The following TFCP2 variants were observed in gnomAD, a reference collection of about 807,000 sequenced individuals.
TFCP2 encodes the protein transcription factor CP2, also known as alpha-globin transcription factor CP2.
A neutral mutation model predicts 73.4 loss-of-function variants in TFCP2; 33 were observed. That is an observed-to-expected ratio of 0.45 (90% confidence interval 0.34 to 0.60). The LOEUF (loss-of-function observed/expected upper bound fraction) is 0.60, where lower values mean the gene tolerates loss of function less well. Among genes scored for constraint, TFCP2 ranks in the 20% least tolerant of loss-of-function variants. The pLI is 0.01. For synonymous variants in TFCP2, 193 were observed against 211.6 expected, an observed-to-expected ratio of 0.91 and a Z score of 0.76; for missense variants, 352 against 604.0, an observed-to-expected ratio of 0.58 and a Z score of 4.37.
chr12:51,172,180 T>C, intron 1 of TFCP2, 121 bp downstream of exon 1: 1 of 1,380,128 alleles, frequency 7.2e-7, no homozygotes, highest in Middle Eastern at 1.9e-4. Flanking sequence ...CAAGTCCCTT[T>C]TCCCCAATCG....
intron 1 of TFCP2, among the ~76,000 whole-genome samples, chr12:51,170,940 A>G (rs1035788950): frequency 6.6e-5 from 10 of 152,104 alleles, no homozygotes; most frequent in African/African-American, 2.4e-4. Context: ...AGCCTACCAA[A>G]GTGCTGGGAT....
At chr12:51,107,817 G>T (rs1940289644) in intron 6 of TFCP2, among the ~76,000 whole-genome samples, 1 of 151,822 alleles carries the variant, frequency 6.6e-6, no homozygotes, top group South Asian at 2.1e-4. Flanking sequence ...TTTTGGTCAG[G>T]CTGGTCTTAA....
intron 1 of TFCP2, among the ~76,000 whole-genome samples, chr12:51,163,336 T>C (rs1401567174): frequency 2.6e-5 from 4 of 152,124 alleles, no homozygotes; most frequent in Admixed American, 1.3e-4. Context: ...ACGCCTATAA[T>C]CCCAGCACTT....
rs868725865 is a variant in TFCP2, at chr12:51,124,535, T to C, written c.123-5763A>G. On this transcript the variant is annotated intron_variant, in intron 1 of 14. Transcript: ENST00000257915. ...GGGGGTAAGGCAGTGTTAAGAATCATTGGGGCTGTGGCCCAGTCAGCCTGC... is the reference window on the plus strand; with the variant it reads ...GGGGGTAAGGCAGTGTTAAGAATCACTGGGGCTGTGGCCCAGTCAGCCTGC... 104 of 425,070 alleles carry C rather than the reference T, an allele frequency of 2.4e-4. 1 individual carries two copies. The highest frequency in any genetic ancestry group is 1.9e-3 in the African/African-American group (92 of 48,794). 26.3% of individuals were successfully genotyped at this position (425,070 alleles called of 1,614,324 possible). A position where few individuals can be genotyped will look rare whatever the true frequency, so the allele number is the denominator to read the frequency against.
chr12:51,144,002 T>C (rs931948886), intron 1 of TFCP2, among the ~76,000 whole-genome samples: 26 of 152,186 alleles, frequency 1.7e-4, no homozygotes, highest in African/African-American at 6.3e-4. Context: ...CAATAAATAT[T>C]GCAATAGATT....
Position 51,093,984 on chromosome 12 carries a change from CTTACACACACACACACA to C in TFCP2, c.*1240_*1256del, listed in dbSNP as rs1939894564. 1.5e-5 allele frequency: 2 copies of C among 134,248 alleles called. No homozygotes were observed. The highest frequency in any genetic ancestry group is 6.6e-5 in the African/African-American group (2 of 30,358). 8.3% of individuals were successfully genotyped at this position (134,248 alleles called of 1,614,324 possible). The stretch of plus-strand genomic sequence containing the variant: ...AAACCCATGATGTTACACTTACACA[CTTACACACACACACACA>C]CACACACACAATCATTCTTAAGGAA... On this transcript the variant is annotated 3_prime_UTR_variant, in exon 15 of 15. Coordinates refer to ENST00000257915, the MANE Select transcript of TFCP2 (RefSeq NM_005653.5).
chr12:51,094,893 C>G lies in TFCP2; in HGVS notation c.*348G>C, dbSNP rs1939918061. 4.1e-6 allele frequency: 1 copy of G among 245,406 alleles called. No homozygotes were observed. Among genetic ancestry groups the G allele is most frequent in the Non-Finnish European group, 7.9e-6 (1 of 127,022 alleles). 15.2% of individuals were successfully genotyped at this position (245,406 alleles called of 1,614,324 possible). On this transcript the variant is annotated 3_prime_UTR_variant, in exon 15 of 15. Transcript: ENST00000257915. The stretch of plus-strand genomic sequence containing the variant: ...AAAAAAATTACAGGGCTCCATATCA[C>G]AAAATTTAAGATCTTCCTGTTAAAC...
At chr12:51,162,671 G>A (rs946436850) in intron 1 of TFCP2, among the ~76,000 whole-genome samples, 2 of 151,992 alleles carry the variant, frequency 1.3e-5, no homozygotes, top group African/African-American at 4.8e-5. Context: ...GCTCTTGAAC[G>A]AAATCCTGAT....
At chr12:51,117,102 G>C (rs908346667) in intron 3 of TFCP2, among the ~76,000 whole-genome samples, 1 of 151,992 alleles carries the variant, frequency 6.6e-6, no homozygotes, top group African/African-American at 2.4e-5. Context: ...CAACTCCCCC[G>C]CTTGCTAACC....
chr12:51,171,304 C>T (rs1301492973), intron 1 of TFCP2, among the ~76,000 whole-genome samples: 1 of 152,164 alleles, frequency 6.6e-6, no homozygotes, highest in Admixed American at 6.5e-5. Context: ...ATAAACTATA[C>T]TGGAGGAATG....
rs759248481 is a variant in TFCP2, at chr12:51,109,187, C to T, written c.651G>A (p.Lys217=). The part of the protein sequence containing the change: ...VPFRVQIDTF[K]ENENGEYTEH... ...CAGTATATTCCCCGTTTTCATTCTCCTTGAAGGTATCTATTTGTACTCGGA... is the reference window on the plus strand; with the variant it reads ...CAGTATATTCCCCGTTTTCATTCTCTTTGAAGGTATCTATTTGTACTCGGA... The change falls in exon 6 of 15, where the codon AAG becomes AAA. Residue 217 remains lysine, a synonymous_variant. Transcript: ENST00000257915. The T allele has an allele frequency of 1.2e-6, 2 of 1,614,062 alleles. No individual in the cohort carries two copies. The highest frequency in any genetic ancestry group is 2.7e-5 in the African/African-American group (2 of 74,928).
intron 1 of TFCP2, among the ~76,000 whole-genome samples, chr12:51,169,833 T>A (rs1941825207): frequency 6.6e-6 from 1 of 152,222 alleles, no homozygotes; most frequent in Non-Finnish European, 1.5e-5. Context: ...AAAAACTAAA[T>A]GTGTAAATAT....
Position 51,107,303 on chromosome 12 carries a change from A to AT in TFCP2, c.760dup (p.Met254AsnfsTer8), listed in dbSNP as rs866387446. 3 of 1,612,884 alleles carry AT rather than the reference A, an allele frequency of 1.9e-6. No homozygotes were observed. The highest frequency in any genetic ancestry group is 1.3e-5 in the African/African-American group (1 of 74,798). The stretch of plus-strand genomic sequence containing the variant: ...CTTTTCATGAGGTGTTCGTTTCTCC[A>AT]TTTTTTCCCTATCCGTTTTTTGCTT... On this transcript the variant is annotated frameshift_variant, in exon 7 of 15. Coordinates refer to ENST00000257915, the MANE Select transcript of TFCP2 (RefSeq NM_005653.5). LOFTEE classifies it high-confidence loss of function.
rs561899987 is a variant in TFCP2, at chr12:51,159,575, C to T, written c.122+12726G>A. Reference sequence around the variant, plus strand: ...GCTGGTCTCGAACCCACCTCAGCCTCCCAAAGCGCTGGGATTGCAGGCGTG... The same window carrying T: ...GCTGGTCTCGAACCCACCTCAGCCTTCCAAAGCGCTGGGATTGCAGGCGTG... On this transcript the variant is annotated intron_variant, in intron 1 of 14. Coordinates refer to ENST00000257915, the MANE Select transcript of TFCP2 (RefSeq NM_005653.5). Among the ~76,000 whole-genome samples, 39 of 152,172 alleles carry T rather than the reference C, an allele frequency of 2.6e-4. No homozygotes were observed. In the South Asian group the frequency reaches 7.9e-3, roughly 31 times the overall value.
intron 1 of TFCP2, among the ~76,000 whole-genome samples, chr12:51,122,351 T>G: frequency 6.8e-6 from 1 of 147,226 alleles, no homozygotes; most frequent in Non-Finnish European, 1.5e-5. Flanking sequence ...CCCTGCCTCC[T>G]GGGTTCAAGT....
At chr12:51,171,982 C>T (rs1941872328) in intron 1 of TFCP2, among the ~76,000 whole-genome samples, 1 of 152,150 alleles carries the variant, frequency 6.6e-6, no homozygotes, top group Admixed American at 6.6e-5. Context: ...CACACAACGT[C>T]AGACTTACCC....
chr12:51,158,226 C>T lies in TFCP2; in HGVS notation c.122+14075G>A, dbSNP rs555286076. ...AGAGACGAGGTCTTGCTATGTTGCC[C>T]AGGCCAGTCTTGAACTCTGACCTCA... is the stretch of plus-strand genomic sequence containing the variant. On this transcript the variant is annotated intron_variant, in intron 1 of 14. Coordinates refer to ENST00000257915, the MANE Select transcript of TFCP2 (RefSeq NM_005653.5). Among the ~76,000 whole-genome samples, 12 of 151,958 alleles carry T rather than the reference C, an allele frequency of 7.9e-5. No individual in the cohort carries two copies. The South Asian group carries it at 2.5e-3, about 32-fold the overall frequency.
chr12:51,146,382 C>T (rs1941300418), intron 1 of TFCP2, among the ~76,000 whole-genome samples: 1 of 151,762 alleles, frequency 6.6e-6, no homozygotes, highest in Non-Finnish European at 1.5e-5. Context: ...CCTCCCCCAC[C>T]CCATACCCCC....
At chr12:51,118,056 T>C (rs1012721498) in intron 2 of TFCP2, among the ~76,000 whole-genome samples, 1 of 152,216 alleles carries the variant, frequency 6.6e-6, no homozygotes, top group African/African-American at 2.4e-5. Context: ...GGTAGAGTAA[T>C]ACTTCTCAGA....
Sources: allele counts gnomAD v4.1 joint callset (sites outside exome capture counted in the v4.1 genomes callset), GRCh38; gene constraint gnomAD v4.1.1; transcripts MANE v1.5; gene names NCBI Gene and HGNC (gene_info 2026-07-23, HGNC 2026-07-21).